The following SERPINB11 variants were observed in gnomAD, a reference collection of about 807,000 sequenced individuals.
SERPINB11 encodes serpin family B member 11, also known as serpin B11.
In SERPINB11, 32 loss-of-function variants were observed where a neutral mutation model predicts 36.7. That is an observed-to-expected ratio of 0.87 (90% CI 0.66 to 1.17). The LOEUF (loss-of-function observed/expected upper bound fraction) is 1.17, where lower values mean the gene tolerates loss of function less well. Among genes scored for constraint, SERPINB11 ranks in the 50% most tolerant of loss-of-function variants. The pLI is 0.00. For synonymous variants in SERPINB11, 174 were observed against 168.1 expected (o/e 1.04, Z -0.27); for missense variants, 528 against 458.4 (o/e 1.15, Z -1.39).
At chr18:63,716,833 A>G (rs551292634) in intron 5 of SERPINB11, among the ~76,000 whole-genome samples, 73 of 152,112 alleles carry the variant, frequency 4.8e-4, no homozygotes, top group African/African-American at 1.7e-3. Context: ...AATAACATTG[A>G]CATATCACAA....
intron 1 of SERPINB11, among the ~76,000 whole-genome samples, chr18:63,703,971 A>AAGAT (rs5825521): frequency 6.2e-4 from 92 of 148,180 alleles, no homozygotes; most frequent in African/African-American, 1.8e-3. Context: ...TTGCTTGAAG[A>AAGAT]TTTTTTTTTT....
intron 5 of SERPINB11, among the ~76,000 whole-genome samples, chr18:63,717,502 T>C (rs920867067): frequency 6.6e-6 from 1 of 152,048 alleles, no homozygotes; most frequent in Non-Finnish European, 1.5e-5. Context: ...GAAATGAGAA[T>C]TTCATTTGTC....
At chr18:63,704,141 T>C (rs1279576390) in intron 1 of SERPINB11, among the ~76,000 whole-genome samples, 1 of 152,176 alleles carries the variant, frequency 6.6e-6, no homozygotes, top group African/African-American at 2.4e-5. Context: ...CTGTAAAATA[T>C]CCAGAATATT....
chr18:63,706,385 C>T (rs1914373206), intron 1 of SERPINB11, among the ~76,000 whole-genome samples: 1 of 152,168 alleles, frequency 6.6e-6, no homozygotes, highest in South Asian at 2.1e-4. Context: ...GAAAGCTCAG[C>T]TCAGATACGT....
chr18:63,722,857 C>T, intron 7 of SERPINB11, 138 bp from the exon 8 acceptor site: 3 of 798,418 alleles, frequency 3.8e-6, no homozygotes, highest in Non-Finnish European at 5.6e-6. Flanking sequence ...ATTTTGTTCC[C>T]AGGTAAGTAG....
At chr18:63,721,040 A>G (rs948784375) in intron 7 of SERPINB11, 54 bp downstream of exon 7, 32 of 1,397,954 alleles carry the variant, frequency 2.3e-5, no homozygotes, top group Non-Finnish European at 3.0e-5. Context: ...ATGTTAACAC[A>G]CACACACACA....
intron 6 of SERPINB11, 51 bp from the exon 7 acceptor site, chr18:63,720,780 A>G (rs374610450): frequency 7.5e-7 from 1 of 1,338,760 alleles, no homozygotes; most frequent in African/African-American, 1.5e-5. Flanking sequence ...CAGTACACAC[A>G]CATGTGCACT....
intron 2 of SERPINB11, among the ~76,000 whole-genome samples, chr18:63,710,996 T>A (rs905775669): frequency 6.6e-6 from 1 of 152,158 alleles, no homozygotes; most frequent in Non-Finnish European, 1.5e-5. Flanking sequence ...ATGGGTACTG[T>A]CTTAGTTAAC....
intron 5 of SERPINB11, among the ~76,000 whole-genome samples, chr18:63,717,016 C>T (rs1160508217): frequency 6.6e-6 from 1 of 152,118 alleles, no homozygotes; most frequent in Non-Finnish European, 1.5e-5. Context: ...GAAAGAGGCA[C>T]TGCAAGGTCC....
At chr18:63,713,335 T>G (rs1164835613) in intron 4 of SERPINB11, among the ~76,000 whole-genome samples, 1 of 152,218 alleles carries the variant, frequency 6.6e-6, no homozygotes, top group Non-Finnish European at 1.5e-5. Context: ...CTACAGACTG[T>G]GAAGCAGATT....
chr18:63,702,778 TG>T (rs1393659478), upstream of SERPINB11: 6 of 152,196 alleles, frequency 3.9e-5, no homozygotes, highest in African/African-American at 1.4e-4. Flanking sequence ...TCCAAAGTGC[TG>T]GGATTACAGG....
intron 1 of SERPINB11, among the ~76,000 whole-genome samples, chr18:63,707,691 A>C (rs1598958742): frequency 6.6e-6 from 1 of 152,310 alleles, no homozygotes; most frequent in East Asian, 1.9e-4. Context: ...TTATGTGCAT[A>C]CCAGCATATC....
chr18:63,716,208 G>A, intron 5 of SERPINB11, 56 bp downstream of exon 5: 1 of 1,110,280 alleles, frequency 9.0e-7, no homozygotes, highest in Non-Finnish European at 1.3e-6. Context: ...TAAGCAACCT[G>A]AGTCCACTTG....
intron 1 of SERPINB11, among the ~76,000 whole-genome samples, chr18:63,704,848 G>A (rs1016945579): frequency 1.3e-5 from 2 of 152,194 alleles, no homozygotes; most frequent in African/African-American, 4.8e-5. Context: ...TCACACAGCT[G>A]TGTAAGGGAG....
At position 63,711,401 on chromosome 18, in the gene SERPINB11, TA is replaced by T; in HGVS notation, c.228+9del. ...GTTCAAGGACTCACCTAAGGTATGA[TA>T]ATATTACTGAGTTGTCAAATGCTCT... On this transcript the variant is annotated splice_region_variant and intron_variant, in intron 3 of 7. Transcript: ENST00000544088. 6.3e-7 allele frequency: 1 copy of T among 1,583,636 alleles called. No individual in the cohort carries two copies. The highest frequency in any genetic ancestry group is 8.7e-7 in the Non-Finnish European group (1 of 1,153,162).
chr18:63,708,966 T>C (rs914622332), intron 1 of SERPINB11, among the ~76,000 whole-genome samples: 2 of 152,086 alleles, frequency 1.3e-5, no homozygotes, highest in African/African-American at 4.8e-5. Flanking sequence ...AGGAAGGAAG[T>C]GTTTGATGGC....
At chr18:63,710,130 T>A (rs1914477791) in intron 1 of SERPINB11, 49 bp from the exon 2 acceptor site, 1 of 1,436,440 alleles carries the variant, frequency 7.0e-7, no homozygotes, top group Non-Finnish European at 9.4e-7. Context: ...CCAGATACTA[T>A]CTGTAACTTC....
rs187074780 is a variant in SERPINB11 at position 63,723,420 on chromosome 18, C to A, written c.*21C>A. On this transcript the variant is annotated 3_prime_UTR_variant, in exon 8 of 8. Transcript: ENST00000544088. The stretch of plus-strand genomic sequence containing the variant: ...CCTAATCAGATGGGGTTGAGCAAGG[C>A]TCAGAGTTGCAGATGAGGTGCAGAG... The A allele has an allele frequency of 2.6e-5, 41 of 1,563,900 alleles. No homozygotes were observed. In the African/African-American group the frequency reaches 5.3e-4, roughly 20 times the overall value.
chr18:63,716,066 A>G lies in SERPINB11; in HGVS notation c.389A>G (p.Gln130Arg). The change falls in exon 5 of 8, where the codon CAA (glutamine) becomes CGA (arginine). Residue 130 changes from glutamine to arginine, a missense_variant. Transcript: ENST00000544088. ...TTAAGCTGTTCTGAGAAATGGTATC[A>G]AGCCAGGTTGCAAACTGTGGATTTT... Reference protein sequence around the residue: ...QYLSCSEKWYQARLQTVDFEQ... With the variant: ...QYLSCSEKWYRARLQTVDFEQ... 1 of 1,611,686 alleles carries G rather than the reference A, an allele frequency of 6.2e-7. No individual in the cohort carries two copies. Among genetic ancestry groups the G allele is most frequent in the African/African-American group, 1.3e-5 (1 of 75,014 alleles).
Sources: gnomAD v4.1 joint callset for allele counts (sites outside exome capture counted in the v4.1 genomes callset) on GRCh38, gnomAD v4.1.1 for gene constraint, MANE v1.5 for transcripts, NCBI Gene and HGNC (gene_info 2026-07-23, HGNC 2026-07-21) for gene names.